Variants in SYT17 observed in about 807,000 individuals in gnomAD.
SYT17 encodes the protein synaptotagmin-17.
A neutral mutation model predicts 46.7 loss-of-function variants in SYT17; 22 were observed. The ratio of observed to expected loss-of-function variants is 0.47; its 90% CI spans 0.34 to 0.67. The LOEUF is 0.67. SYT17 is among the 30% of genes least tolerant of loss of function. SYT17 has a pLI of 0.01. For missense variants in SYT17, 519 were observed against 612.8 expected (o/e 0.85, Z 1.62); for synonymous variants, 251 against 248.4 (o/e 1.01, Z -0.10).
In SYT17 at chr16:19,234,693, G is replaced by A. The variant is rs111595862; in HGVS notation, c.1228+9855G>A. Among the ~76,000 whole-genome samples the A allele has an allele frequency of 8.6e-3, 1,310 of 152,284 alleles. 22 individuals are homozygous for A. The highest frequency in any genetic ancestry group is 0.03 in the African/African-American group (1,251 of 41,560). ...CAAGCAAGTGACACTGCCTCTCTGAGATCCAGCTTACTTTTGTGTAAAGTG... is the reference window on the plus strand; with the variant it reads ...CAAGCAAGTGACACTGCCTCTCTGAAATCCAGCTTACTTTTGTGTAAAGTG... On this transcript the variant is annotated intron_variant, in intron 7 of 7. Coordinates refer to ENST00000355377, the MANE Select transcript of SYT17 (RefSeq NM_016524.4).
chr16:19,249,275 A>AAAATAAATAAATAAATAAATAAATAAAT (rs71375627), intron 7 of SYT17, among the ~76,000 whole-genome samples: 2 of 145,264 alleles, frequency 1.4e-5, no homozygotes, highest in Non-Finnish European at 3.0e-5. Flanking sequence ...CGCCGTCTCA[A>AAAATAAATAAATAAATAAATAAATAAAT]AAATAAATAA....
At position 19,202,558 on chromosome 16, in the gene SYT17, A is replaced by G. The variant is rs147305136; in HGVS notation, c.951+18411A>G. On this transcript the variant is annotated intron_variant, in intron 5 of 7. Coordinates refer to ENST00000355377, the MANE Select transcript of SYT17 (RefSeq NM_016524.4). ...GGCAGGATGGATTAAACCATTGGCC[A>G]TTGGTGTCAGAACTCAACCTCCAGC... Among the ~76,000 whole-genome samples the G allele has an allele frequency of 5.6e-4, 86 of 152,302 alleles. No individual in the cohort carries two copies. In the East Asian group the frequency reaches 0.015, roughly 27 times the overall value.
intron 5 of SYT17, among the ~76,000 whole-genome samples, chr16:19,218,769 G>A (rs989536017): frequency 1.3e-5 from 2 of 152,190 alleles, no homozygotes; most frequent in Non-Finnish European, 2.9e-5. Flanking sequence ...TGGGCAGCTT[G>A]CCTTGGTTCC....
At position 19,208,658 on chromosome 16, in the gene SYT17, G is replaced by A. The variant is rs140788946; in HGVS notation, c.952-14387G>A. On this transcript the variant is annotated intron_variant, in intron 5 of 7. Coordinates refer to ENST00000355377, the MANE Select transcript of SYT17 (RefSeq NM_016524.4). Reference sequence around the variant, plus strand: ...AAGAGCCAAATCATGTCAGGAAGGTGTTGGCAAAGCTATTATCTGTACCAG... The same window carrying A: ...AAGAGCCAAATCATGTCAGGAAGGTATTGGCAAAGCTATTATCTGTACCAG... Among the ~76,000 whole-genome samples, 984 of 152,186 alleles carry A rather than the reference G, an allele frequency of 6.5e-3. 8 individuals are homozygous for A. Among genetic ancestry groups the A allele is most frequent in the African/African-American group, 0.022 (915 of 41,500 alleles).
Position 19,267,301 on chromosome 16 carries a change from C to A in SYT17, c.*225C>A. 1 of 453,036 alleles carries A rather than the reference C, an allele frequency of 2.2e-6. No homozygotes were observed. Among genetic ancestry groups the A allele is most frequent in the Non-Finnish European group, 3.9e-6 (1 of 255,222 alleles). 28.1% of individuals were successfully genotyped at this position (453,036 alleles called of 1,614,324 possible). A position where few individuals can be genotyped will look rare whatever the true frequency, so the allele number is the denominator to read the frequency against. ...CAGTTGAGTGAGGCCTAGGAACTTTCCGGAAGCCCCATCCATAGATCACAA... is the reference window on the plus strand; with the variant it reads ...CAGTTGAGTGAGGCCTAGGAACTTTACGGAAGCCCCATCCATAGATCACAA... On this transcript the variant is annotated 3_prime_UTR_variant, in exon 8 of 8. Coordinates refer to ENST00000355377, the MANE Select transcript of SYT17 (RefSeq NM_016524.4).
intron 7 of SYT17, among the ~76,000 whole-genome samples, chr16:19,229,170 C>G (rs906098561): frequency 3.3e-5 from 5 of 152,132 alleles, no homozygotes; most frequent in Admixed American, 1.3e-4. Context: ...TGGGCTTTTA[C>G]TGGATGTTGG....
At chr16:19,172,824 T>A (rs200600137) in intron 2 of SYT17, 47 bp downstream of exon 2, 1 of 1,611,550 alleles carries the variant, frequency 6.2e-7, no homozygotes, top group East Asian at 2.2e-5. Context: ...AATCAAGAAA[T>A]GCCTGACTTT....
At chr16:19,211,584 G>A in intron 5 of SYT17, 1 of 649,172 alleles carries the variant, frequency 1.5e-6, no homozygotes, top group Non-Finnish European at 2.8e-6. Context: ...AGATTCCCAG[G>A]GAATAGCAAG....
At chr16:19,256,437 A>ACACACACAC (rs1968566447) in intron 7 of SYT17, among the ~76,000 whole-genome samples, 2 of 128,978 alleles carry the variant, frequency 1.6e-5, no homozygotes, top group African/African-American at 3.0e-5. Context: ...CCCCTCTTCA[A>ACACACACAC]ACACACACAC....
chr16:19,174,434 G>A (rs760073557), intron 3 of SYT17, among the ~76,000 whole-genome samples: 5 of 152,282 alleles, frequency 3.3e-5, no homozygotes, highest in Non-Finnish European at 7.4e-5. Context: ...CAGCGGCCAG[G>A]ACCCACAGCT....
chr16:19,250,018 G>C, intron 7 of SYT17: 1 of 1,535,746 alleles, frequency 6.5e-7, no homozygotes, highest in South Asian at 1.2e-5. Context: ...ACCCTCACCT[G>C]GAAATGAACA....
At chr16:19,260,706 T>A (rs1245391889) in intron 7 of SYT17, among the ~76,000 whole-genome samples, 1 of 152,026 alleles carries the variant, frequency 6.6e-6, no homozygotes, top group East Asian at 1.9e-4. Context: ...AGAATTGTAT[T>A]TTTGGCTTAC....
intron 1 of SYT17, chr16:19,171,355 A>G: frequency 6.3e-6 from 1 of 157,844 alleles, no homozygotes; most frequent in Non-Finnish European, 1.4e-5. Flanking sequence ...ACAGGGTCTC[A>G]CTCTGTCGCC....
At chr16:19,205,671 A>T (rs1471967873) in intron 5 of SYT17, among the ~76,000 whole-genome samples, 1 of 152,166 alleles carries the variant, frequency 6.6e-6, no homozygotes, top group Non-Finnish European at 1.5e-5. Flanking sequence ...TAGTAGAGGC[A>T]GCGTTTCACC....
intron 7 of SYT17, among the ~76,000 whole-genome samples, chr16:19,249,265 C>T (rs950475203): frequency 1.5e-4 from 13 of 85,802 alleles, no homozygotes; most frequent in East Asian, 4.5e-4. Context: ...CAGAGCGAGA[C>T]GCCGTCTCAA....
chr16:19,224,909 G>C, intron 7 of SYT17, 71 bp downstream of exon 7: 1 of 1,549,648 alleles, frequency 6.5e-7, no homozygotes, highest in Non-Finnish European at 8.8e-7. Flanking sequence ...GAGCCAGAAG[G>C]CATCTAGAGA....
Position 19,183,687 on chromosome 16 carries a change from T to G in SYT17, c.491T>G (p.Leu164Arg). 3 of 1,614,192 alleles carry G rather than the reference T, an allele frequency of 1.9e-6. No individual in the cohort carries two copies. Among genetic ancestry groups the G allele is most frequent in the Non-Finnish European group, 2.5e-6 (3 of 1,180,028 alleles). The change falls in exon 5 of 8, where the codon CTC becomes CGC. Residue 164 changes from leucine (L) to arginine (R), a missense_variant. Coordinates refer to ENST00000355377, the MANE Select transcript of SYT17 (RefSeq NM_016524.4). The surrounding 1 kb of genome is among the most constrained non-coding windows in gnomAD (Gnocchi z 5.6). ...FRKFEPHLYS[L>R]DSNSDDVDSL... is the part of the protein sequence containing the mutation. ...AAGTTCGAACCCCACCTGTACTCCC[T>G]CGACTCCAACAGCGACGATGTGGAC...
chr16:19,228,791 C>T (rs1473341837), intron 7 of SYT17, among the ~76,000 whole-genome samples: 1 of 152,184 alleles, frequency 6.6e-6, no homozygotes, highest in African/African-American at 2.4e-5. Context: ...TTTATTTGTC[C>T]ACTGAGAGAA....
intron 7 of SYT17, among the ~76,000 whole-genome samples, chr16:19,231,791 T>C (rs1396433305): frequency 6.6e-6 from 1 of 152,202 alleles, no homozygotes; most frequent in Admixed American, 6.5e-5. Flanking sequence ...CTAGACGTTA[T>C]GTATTCGACA....
Sources: allele counts gnomAD v4.1 joint callset (sites outside exome capture counted in the v4.1 genomes callset), GRCh38; gene constraint gnomAD v4.1.1; non-coding constraint Gnocchi (gnomAD v3.1); transcripts MANE v1.5; gene names NCBI Gene and HGNC (gene_info 2026-07-23, HGNC 2026-07-21).